Variants in ABCA1 observed in about 807,000 individuals in gnomAD.
The protein encoded by ABCA1 is ATP binding cassette subfamily A member 1.
Under a neutral mutation model 262.5 loss-of-function variants are expected in ABCA1, and 133 were observed. That is an observed-to-expected ratio of 0.51 (90% CI 0.44 to 0.59). ABCA1 has a LOEUF of 0.59. ABCA1 is among the 20% of genes least tolerant of loss of function. ABCA1 has a pLI of 0.00. For missense variants in ABCA1, 2,452 were observed against 2,777.5 expected, an observed-to-expected ratio of 0.88 and a Z score of 2.63; for synonymous variants, 1,022 against 1,043.5, an observed-to-expected ratio of 0.98 and a Z score of 0.40.
rs757766515 is a variant in ABCA1 at position 104,806,353 on chromosome 9, T to A, written c.4352A>T (p.Asn1451Ile). The change falls in exon 31 of 50, where the codon AAT (asparagine) becomes ATT (isoleucine). Residue 1451 changes from asparagine to isoleucine, a missense_variant. By Grantham distance (149) the Asn-to-Ile change is moderately radical. This residue lies in a region of ABCA1 where 665 missense variants were observed against 727.3 expected (regional missense o/e 0.91). Coordinates refer to ENST00000374736, the MANE Select transcript of ABCA1 (RefSeq NM_005502.4). Reference protein sequence around the residue: ...VPQTIMDLFQNGNWTMQNPSP... With the variant: ...VPQTIMDLFQIGNWTMQNPSP... The stretch of plus-strand genomic sequence containing the variant: ...AGGGTTCTGCATTGTCCAGTTCCCA[T>A]TCTGGAAGAGGTCCATGATGGTCTG... 1.2e-6 allele frequency: 2 copies of A among 1,614,152 alleles called. No homozygotes were observed. Among genetic ancestry groups the A allele is most frequent in the South Asian group, 2.2e-5 (2 of 91,076 alleles).
At chr9:104,923,133 G>C (rs1842235240) in intron 1 of ABCA1, among the ~76,000 whole-genome samples, 1 of 152,106 alleles carries the variant, frequency 6.6e-6, no homozygotes, top group African/African-American at 2.4e-5. Flanking sequence ...TATTTCAAAA[G>C]GTCCACAACT....
chr9:104,878,942 C>T (rs912333740), intron 5 of ABCA1, among the ~76,000 whole-genome samples: 1 of 152,044 alleles, frequency 6.6e-6, no homozygotes, highest in Non-Finnish European at 1.5e-5. Flanking sequence ...TGGCCCAGCA[C>T]TGATTACAAT....
At chr9:104,832,181 T>G (rs1833399223) in intron 12 of ABCA1, among the ~76,000 whole-genome samples, 1 of 152,202 alleles carries the variant, frequency 6.6e-6, no homozygotes, top group Non-Finnish European at 1.5e-5. Context: ...CCTACTAATA[T>G]AATTTTTAAT....
intron 2 of ABCA1, among the ~76,000 whole-genome samples, chr9:104,892,868 A>T (rs79674744): frequency 0.032 from 4,883 of 152,328 alleles, 108 homozygotes; most frequent in African/African-American, 0.056. Flanking sequence ...TATAATTGCA[A>T]AATATTGGAA....
intron 41 of ABCA1, 44 bp downstream of exon 41, chr9:104,793,127 T>G: frequency 6.2e-7 from 1 of 1,612,922 alleles, no homozygotes; most frequent in Non-Finnish European, 8.5e-7. Context: ...GCCTCCTCTG[T>G]GACCCTCAAC....
At chr9:104,794,567 G>A in intron 39 of ABCA1, 57 bp from the exon 40 acceptor site, 3 of 1,572,722 alleles carry the variant, frequency 1.9e-6, no homozygotes, top group South Asian at 1.1e-5. Context: ...AGAAACGGGT[G>A]TCATTCATGG....
Position 104,800,714 on chromosome 9 carries a change from A to C in ABCA1, c.4699-130T>G. 5 of 826,600 alleles carry C rather than the reference A, an allele frequency of 6.0e-6. No individual in the cohort carries two copies. The South Asian group carries it at 6.9e-5, about 11-fold the overall frequency. 51.2% of individuals were successfully genotyped at this position (826,600 alleles called of 1,614,324 possible). A position where few individuals can be genotyped will look rare whatever the true frequency, so the allele number is the denominator to read the frequency against. On this transcript the variant is annotated intron_variant, in intron 34 of 49. Coordinates refer to ENST00000374736, the MANE Select transcript of ABCA1 (RefSeq NM_005502.4). ...GCCACTACCTTGTTCACTGAAATTAAATGTGAAGCCATTAAATAAACGGCT... is the reference window on the plus strand; with the variant it reads ...GCCACTACCTTGTTCACTGAAATTACATGTGAAGCCATTAAATAAACGGCT...
rs1344789830 is a variant in ABCA1, at chr9:104,782,811, G to A, written c.*1504C>T. ...TGAAGAATTCATTGTTTAGACTTGT[G>A]ACCCTTATACTTTCTTGGCTTTTGC... is the stretch of plus-strand genomic sequence containing the variant. On this transcript the variant is annotated 3_prime_UTR_variant, in exon 50 of 50. Coordinates refer to ENST00000374736, the MANE Select transcript of ABCA1 (RefSeq NM_005502.4). 1.3e-5 allele frequency: 2 copies of A among 149,208 alleles called. No homozygotes were observed. The highest frequency in any genetic ancestry group is 1.3e-4 in the Admixed American group (2 of 14,868). 9.2% of individuals were successfully genotyped at this position (149,208 alleles called of 1,614,324 possible). A position where few individuals can be genotyped will look rare whatever the true frequency, so the allele number is the denominator to read the frequency against.
In ABCA1 at chr9:104,910,665, T is replaced by C. The variant is rs1014006336; in HGVS notation, c.-92-6894A>G. On this transcript the variant is annotated intron_variant, in intron 1 of 49. Transcript: ENST00000374736. ...AAGTTACCAGAAGTGAGATGGAAGT[T>C]GAAATTTCCAACAACAGCTATCAAT... Among the ~76,000 whole-genome samples the C allele has an allele frequency of 6.6e-5, 10 of 152,326 alleles. No homozygotes were observed. In the South Asian group the frequency reaches 1.2e-3, roughly 19 times the overall value.
Position 104,796,331 on chromosome 9 carries a change from C to G in ABCA1, c.5215G>C (p.Ala1739Pro). 6.2e-7 allele frequency: 1 copy of G among 1,614,200 alleles called. No individual in the cohort carries two copies. The highest frequency in any genetic ancestry group is 8.5e-7 in the Non-Finnish European group (1 of 1,180,022). ...TACCCATACAGCAAAAGTAGAAGGG[C>G]TAGCACAGGCAGATTGGTGGAGGAC... ...YVSSTNLPVL[A>P]LLLLLYGWSI... Residue 1739 changes from alanine to proline, a missense_variant, in exon 38 of 50, where the codon GCC becomes CCC. Around this residue, in one of 4 missense-constraint regions of ABCA1, gnomAD observed 752 missense variants for 944.5 expected, o/e 0.80. Transcript: ENST00000374736.
chr9:104,822,794 C>G (rs1832481406), intron 18 of ABCA1, 127 bp from the exon 19 acceptor site: 1 of 1,057,904 alleles, frequency 9.5e-7, no homozygotes, highest in East Asian at 2.5e-5. Context: ...GTTTCTCAGG[C>G]AGGCAGGAGG....
At chr9:104,917,685 A>C (rs1404256692) in intron 1 of ABCA1, among the ~76,000 whole-genome samples, 1 of 152,012 alleles carries the variant, frequency 6.6e-6, no homozygotes, top group East Asian at 1.9e-4. Context: ...ACCCAGGAGG[A>C]AGAGGTTGCA....
chr9:104,807,846 ACACACAC>A (rs1588256733), intron 30 of ABCA1, among the ~76,000 whole-genome samples: 1 of 6,282 alleles, frequency 1.6e-4, no homozygotes, highest in East Asian at 4.5e-3. Flanking sequence ...ATATATATAT[ACACACAC>A]ACACACACAC....
intron 3 of ABCA1, among the ~76,000 whole-genome samples, chr9:104,885,373 G>A (rs1229371921): frequency 6.6e-6 from 1 of 152,146 alleles, no homozygotes; most frequent in African/African-American, 2.4e-5. Flanking sequence ...CGGTTAGATT[G>A]GAATTTAGCT....
intron 1 of ABCA1, among the ~76,000 whole-genome samples, chr9:104,919,466 G>A (rs1198887294): frequency 6.6e-6 from 1 of 152,088 alleles, no homozygotes; most frequent in Non-Finnish European, 1.5e-5. Flanking sequence ...ACAAAAATTA[G>A]CCGGACATGG....
Position 104,837,585 on chromosome 9 carries a change from G to C in ABCA1, c.1055-18C>G, listed in dbSNP as rs375234733. The C allele has an allele frequency of 6.2e-7, 1 of 1,613,422 alleles. No homozygotes were observed. The highest frequency in any genetic ancestry group is 8.5e-7 in the Non-Finnish European group (1 of 1,179,862). On this transcript the variant is annotated intron_variant, in intron 9 of 49. Coordinates refer to ENST00000374736, the MANE Select transcript of ABCA1 (RefSeq NM_005502.4). ...GTAAGGAGCTATGAAGAAGAGGAGA[G>C]ACAAATGCTCATATGCATGGTCATA...
intron 15 of ABCA1, among the ~76,000 whole-genome samples, chr9:104,827,774 C>A (rs562962540): frequency 2.4e-4 from 36 of 152,292 alleles, no homozygotes; most frequent in African/African-American, 8.2e-4. Flanking sequence ...AGTTAGATAA[C>A]AGAGCATGAG....
chr9:104,822,753 TCA>T (rs1832477291), intron 18 of ABCA1, 86 bp from the exon 19 acceptor site: 2 of 1,502,698 alleles, frequency 1.3e-6, no homozygotes, highest in East Asian at 4.5e-5. Flanking sequence ...GCTTGAACTT[TCA>T]GAAGTGCCTT....
intron 33 of ABCA1, 100 bp downstream of exon 33, chr9:104,803,184 T>C (rs925937132): frequency 1.5e-6 from 2 of 1,294,516 alleles, no homozygotes; most frequent in Non-Finnish European, 2.3e-6. Flanking sequence ...CACCCACAAG[T>C]GTGTGAGTGA....
Sources: allele counts gnomAD v4.1 joint callset (sites outside exome capture counted in the v4.1 genomes callset), GRCh38; gene constraint gnomAD v4.1.1; regional missense constraint gnomAD v4.1.1; transcripts MANE v1.5; gene names NCBI Gene and HGNC (gene_info 2026-07-23, HGNC 2026-07-21).